Variants in MAJIN observed in about 807,000 individuals in gnomAD.
MAJIN encodes membrane anchored junction protein.
A neutral mutation model predicts 30.2 loss-of-function variants in MAJIN; 27 were observed. The ratio of observed to expected loss-of-function variants is 0.89; its 90% confidence interval spans 0.66 to 1.23. MAJIN has a LOEUF of 1.23. Ranked by LOEUF, MAJIN falls within the 50% of genes most tolerant of loss-of-function variation. The probability of loss-of-function intolerance (pLI) is 0.00; values close to 1 mark genes in which losing one functional copy is unlikely to be tolerated. For synonymous variants in MAJIN, 78 were observed against 91.6 expected, an observed-to-expected ratio of 0.85 and a Z score of 0.85; for missense variants, 253 against 260.3, an observed-to-expected ratio of 0.97 and a Z score of 0.19.
chr11:64,942,876 A>G (rs931873593), intron 8 of MAJIN, among the ~76,000 whole-genome samples: 4 of 152,194 alleles, frequency 2.6e-5, no homozygotes, highest in Non-Finnish European at 5.9e-5. Context: ...TGCTGCATAC[A>G]GTAGCCCTAA....
At chr11:64,953,204 G>C (rs912575203) in intron 4 of MAJIN, among the ~76,000 whole-genome samples, 3 of 152,148 alleles carry the variant, frequency 2.0e-5, no homozygotes, top group Non-Finnish European at 4.4e-5. Context: ...CCTCAGTCTT[G>C]AAACAGGCCT....
intron 4 of MAJIN, among the ~76,000 whole-genome samples, chr11:64,950,846 T>C (rs1445692397): frequency 6.6e-6 from 1 of 152,210 alleles, no homozygotes; most frequent in Non-Finnish European, 1.5e-5. Flanking sequence ...TCTCCCAAAG[T>C]GCTGGGATTA....
intron 1 of MAJIN, among the ~76,000 whole-genome samples, chr11:64,970,688 AAAAG>A (rs780433325): frequency 7.2e-5 from 11 of 151,944 alleles, no homozygotes; most frequent in Non-Finnish European, 1.0e-4. Flanking sequence ...AAAAAAGAAA[AAAAG>A]AAGAAAGAAA....
chr11:64,949,973 GC>G (rs1313499681), intron 5 of MAJIN, 105 bp from the exon 6 acceptor site: 2 of 1,429,324 alleles, frequency 1.4e-6, no homozygotes, highest in Admixed American at 1.9e-5. Context: ...CCTCCAAACT[GC>G]CTATGGTTTT....
At chr11:64,941,060 G>T (rs944834942) in intron 8 of MAJIN, among the ~76,000 whole-genome samples, 1 of 151,634 alleles carries the variant, frequency 6.6e-6, no homozygotes, top group East Asian at 1.9e-4. Flanking sequence ...GGATGGTCTC[G>T]ATCTCCTGAC....
At chr11:64,963,128 A>G (rs1388469258) in intron 1 of MAJIN, among the ~76,000 whole-genome samples, 1 of 152,188 alleles carries the variant, frequency 6.6e-6, no homozygotes. Flanking sequence ...GTCCATCTCA[A>G]AAAAACAAAC....
intron 3 of MAJIN, among the ~76,000 whole-genome samples, chr11:64,959,093 CAAA>C (rs34562472): frequency 5.6e-5 from 3 of 53,572 alleles, no homozygotes; most frequent in African/African-American, 6.8e-5. Context: ...TGCTTCTCTT[CAAA>C]AAAAAAAAAA....
intron 6 of MAJIN, among the ~76,000 whole-genome samples, chr11:64,948,917 G>T (rs1386898758): frequency 2.4e-4 from 35 of 147,862 alleles, no homozygotes; most frequent in African/African-American, 8.7e-4. Context: ...GCCTCCCAAA[G>T]TACTGGGATT....
chr11:64,963,312 G>A (rs913810374), intron 1 of MAJIN, among the ~76,000 whole-genome samples: 1 of 152,178 alleles, frequency 6.6e-6, no homozygotes, highest in Non-Finnish European at 1.5e-5. Flanking sequence ...AGGGACTGAT[G>A]TTTGAAGGAA....
chr11:64,969,370 G>T (rs1220457672), intron 1 of MAJIN, among the ~76,000 whole-genome samples: 1 of 151,604 alleles, frequency 6.6e-6, no homozygotes, highest in African/African-American at 2.4e-5. Flanking sequence ...AAATTATAGA[G>T]AAGGGATGAG....
At chr11:64,953,789 C>CA (rs1156854645) in intron 4 of MAJIN, among the ~76,000 whole-genome samples, 2 of 152,006 alleles carry the variant, frequency 1.3e-5, no homozygotes, top group African/African-American at 4.8e-5. Flanking sequence ...AACTCCATCT[C>CA]AAAAAACAAA....
intron 6 of MAJIN, among the ~76,000 whole-genome samples, chr11:64,948,071 G>T (rs1433950686): frequency 6.6e-6 from 1 of 151,952 alleles, no homozygotes; most frequent in Non-Finnish European, 1.5e-5. Context: ...ACGTTGGCCA[G>T]GTTGGTCTCA....
At chr11:64,963,786 C>T (rs557210854) in intron 1 of MAJIN, among the ~76,000 whole-genome samples, 1 of 152,146 alleles carries the variant, frequency 6.6e-6, no homozygotes, top group Non-Finnish European at 1.5e-5. Flanking sequence ...CTGCGATGAA[C>T]CAAGATTGCG....
At chr11:64,966,427 C>T (rs1257311149) in intron 1 of MAJIN, among the ~76,000 whole-genome samples, 1 of 151,690 alleles carries the variant, frequency 6.6e-6, no homozygotes, top group Non-Finnish European at 1.5e-5. Context: ...CCCAGATACT[C>T]GGGAGGCTGA....
Position 64,947,394 on chromosome 11 carries a change from G to A in MAJIN, c.453C>T (p.Pro151=). 6.2e-7 allele frequency: 1 copy of A among 1,613,440 alleles called. No individual in the cohort carries two copies. The highest frequency in any genetic ancestry group is 8.5e-7 in the Non-Finnish European group (1 of 1,179,994). ...KRKHMDEPSS[P]SRPGLDRIGK... is the part of the protein sequence containing the mutation. ...CTGACCTGTCCAGCCCTGGCCTGCTGGGGGAGCTGGGCTCGTCCATGTGTT... is the reference window on the plus strand; with the variant it reads ...CTGACCTGTCCAGCCCTGGCCTGCTAGGGGAGCTGGGCTCGTCCATGTGTT... The change falls in exon 8 of 11, where the codon CCC becomes CCT. Residue 151 remains proline (P), a synonymous_variant. Coordinates refer to ENST00000301896, the MANE Select transcript of MAJIN (RefSeq NM_001037225.3).
chr11:64,949,496 T>C (rs1049002022), intron 6 of MAJIN, among the ~76,000 whole-genome samples: 4 of 152,202 alleles, frequency 2.6e-5, no homozygotes, highest in Non-Finnish European at 4.4e-5. Flanking sequence ...CTCAATGATA[T>C]AGGTAGTAAT....
At chr11:64,942,487 G>A (rs996505628) in intron 8 of MAJIN, among the ~76,000 whole-genome samples, 3 of 151,650 alleles carry the variant, frequency 2.0e-5, no homozygotes, top group Admixed American at 6.6e-5. Flanking sequence ...AAGCCTTTGC[G>A]TCCTCATAGC....
At chr11:64,965,713 T>C (rs1011296296) in intron 1 of MAJIN, among the ~76,000 whole-genome samples, 2 of 151,926 alleles carry the variant, frequency 1.3e-5, no homozygotes, top group Non-Finnish European at 2.9e-5. Context: ...TCCCAGCACT[T>C]TGGGAGGCCG....
chr11:64,962,360 A>C (rs573746969), intron 1 of MAJIN, among the ~76,000 whole-genome samples: 1 of 152,330 alleles, frequency 6.6e-6, no homozygotes, highest in South Asian at 2.1e-4. Flanking sequence ...AGTGTATCCC[A>C]AACAACCACA....
Sources: allele counts gnomAD v4.1 joint callset (sites outside exome capture counted in the v4.1 genomes callset), GRCh38; gene constraint gnomAD v4.1.1; transcripts MANE v1.5; gene names NCBI Gene and HGNC (gene_info 2026-07-23, HGNC 2026-07-21).